The following TMEM87A variants were observed in gnomAD, a reference collection of about 807,000 sequenced individuals.
TMEM87A encodes the protein transmembrane protein 87A.
Under a neutral mutation model 90.0 loss-of-function variants are expected in TMEM87A, and 50 were observed. The ratio of observed to expected loss-of-function variants is 0.56; its 90% CI spans 0.44 to 0.70. The LOEUF is 0.70. Ranked by LOEUF, TMEM87A falls within the 30% of genes least tolerant of loss-of-function variation. TMEM87A has a pLI of 0.00. For synonymous variants in TMEM87A, 226 were observed against 226.7 expected (o/e 1.00, Z 0.03); for missense variants, 577 against 660.5 (o/e 0.87, Z 1.39).
In TMEM87A at chr15:42,219,621, G is replaced by A. The variant is rs936807468; in HGVS notation, c.1499C>T (p.Thr500Ile). 6 of 1,599,012 alleles carry A rather than the reference G, an allele frequency of 3.8e-6. No individual in the cohort carries two copies. The highest frequency in any genetic ancestry group is 3.4e-5 in the Admixed American group (2 of 58,176). ...ESFEGMKMRS[T>I]KQEPNGNSKV... Reference sequence around the variant, plus strand: ...ACTATTTCCATTGGGTTCTTGTTTGGTACTTCTCATTTTCATTCCTTCTGT... The same window carrying A: ...ACTATTTCCATTGGGTTCTTGTTTGATACTTCTCATTTTCATTCCTTCTGT... The change falls in exon 17 of 20, where the codon ACC becomes ATC. Residue 500 changes from threonine (T) to isoleucine (I), a missense_variant. By Grantham distance (89) the Thr-to-Ile change is moderately conservative. Coordinates refer to ENST00000389834, the MANE Select transcript of TMEM87A (RefSeq NM_015497.5).
intron 15 of TMEM87A, among the ~76,000 whole-genome samples, chr15:42,223,173 G>A (rs1340146693): frequency 2.0e-5 from 3 of 152,102 alleles, no homozygotes; most frequent in South Asian, 2.1e-4. Flanking sequence ...CAGGCAGATC[G>A]CTTGAGCTCA....
At chr15:42,273,209 A>G in intron 1 of TMEM87A, 46 bp downstream of exon 1, 2 of 1,608,586 alleles carry the variant, frequency 1.2e-6, no homozygotes, top group South Asian at 1.1e-5. Flanking sequence ...CCGTAGCCCC[A>G]CCCCTTGCTC....
chr15:42,258,894 A>G, intron 6 of TMEM87A: 2 of 1,437,974 alleles, frequency 1.4e-6, no homozygotes, highest in Non-Finnish European at 1.9e-6. Context: ...CAACGAAAAC[A>G]CTGGCAAAAA....
chr15:42,249,208 T>C (rs958230988), intron 6 of TMEM87A, among the ~76,000 whole-genome samples: 2 of 151,934 alleles, frequency 1.3e-5, no homozygotes, highest in African/African-American at 4.8e-5. Flanking sequence ...GAGGTCTATT[T>C]GGTTGATCTT....
intron 7 of TMEM87A, among the ~76,000 whole-genome samples, chr15:42,243,613 G>C (rs776064804): frequency 1.2e-4 from 18 of 147,664 alleles, no homozygotes; most frequent in Non-Finnish European, 2.4e-4. Flanking sequence ...TCCATCTCCC[G>C]GGTTCAAGCG....
At chr15:42,211,808 T>C (rs903931669) in intron 19 of TMEM87A, 59 bp from the exon 20 acceptor site, 8 of 1,465,572 alleles carry the variant, frequency 5.5e-6, no homozygotes, top group Non-Finnish European at 7.6e-6. Context: ...ATTCCAAATA[T>C]CTTCTATACA....
At chr15:42,260,901 C>G in intron 6 of TMEM87A, 57 bp downstream of exon 6, 1 of 1,555,368 alleles carries the variant, frequency 6.4e-7, no homozygotes, top group Non-Finnish European at 8.7e-7. Context: ...CAGAAATACA[C>G]AAATTTAAGA....
chr15:42,269,601 T>G (rs1352064784), intron 2 of TMEM87A, among the ~76,000 whole-genome samples: 1 of 152,192 alleles, frequency 6.6e-6, no homozygotes, highest in Non-Finnish European at 1.5e-5. Context: ...TACTGCTGTT[T>G]ATGTTACAAG....
intron 15 of TMEM87A, among the ~76,000 whole-genome samples, chr15:42,225,437 CCTTT>C (rs1473479210): frequency 6.6e-6 from 1 of 152,094 alleles, no homozygotes; most frequent in Non-Finnish European, 1.5e-5. Context: ...TTAATTTTAC[CCTTT>C]CTATCATTAC....
Position 42,236,328 on chromosome 15 carries a change from G to A in TMEM87A, c.960C>T (p.Gly320=), listed in dbSNP as rs2140940615. 6.2e-7 allele frequency: 1 copy of A among 1,613,744 alleles called. No individual in the cohort carries two copies. The highest frequency in any genetic ancestry group is 8.5e-7 in the Non-Finnish European group (1 of 1,179,714). Residue 320 remains glycine (G), a synonymous_variant, in exon 10 of 20, where the codon GGC becomes GGT. Coordinates refer to ENST00000389834, the MANE Select transcript of TMEM87A (RefSeq NM_015497.5). ...TLVIIVSLGY[G]IVKPRLGVTL... ...AGGAAGTTAATACTTACTTGACGAT[G>A]CCATATCCCAGACTGACTATGATGA...
At chr15:42,248,764 G>A (rs151072538) in intron 6 of TMEM87A, among the ~76,000 whole-genome samples, 1,648 of 152,166 alleles carry the variant, frequency 0.011, 29 homozygotes, top group African/African-American at 0.038. Flanking sequence ...TTGTGTCTCC[G>A]CCAGGCTTTG....
Position 42,227,871 on chromosome 15 carries a change from C to T in TMEM87A, c.1241-102G>A, listed in dbSNP as rs531746722. The stretch of plus-strand genomic sequence containing the variant: ...AAGTGGAATCCCACACACCCCGAAC[C>T]CCCAAATACATCACAACTCTATCAG... On this transcript the variant is annotated intron_variant, in intron 13 of 19. Coordinates refer to ENST00000389834, the MANE Select transcript of TMEM87A (RefSeq NM_015497.5). 7.4e-4 allele frequency: 693 copies of T among 931,716 alleles called. 3 individuals are homozygous for T. Among genetic ancestry groups the T allele is most frequent in the Non-Finnish European group, 1.1e-3 (647 of 578,106 alleles). 57.7% of individuals were successfully genotyped at this position (931,716 alleles called of 1,614,324 possible). A position where few individuals can be genotyped will look rare whatever the true frequency, so the allele number is the denominator to read the frequency against.
At chr15:42,242,997 C>T (rs374436376) in intron 7 of TMEM87A, among the ~76,000 whole-genome samples, 1 of 151,982 alleles carries the variant, frequency 6.6e-6, no homozygotes. Flanking sequence ...CCAGGCACGG[C>T]GGCTCACCCC....
chr15:42,214,464 T>G (rs1239275876), intron 19 of TMEM87A, among the ~76,000 whole-genome samples: 1 of 152,106 alleles, frequency 6.6e-6, no homozygotes, highest in Non-Finnish European at 1.5e-5. Flanking sequence ...TAACGGCACG[T>G]TGAAAGAATC....
Position 42,273,421 on chromosome 15 carries a change from C to T in TMEM87A, c.-23G>A, listed in dbSNP as rs376292282. On this transcript the variant is annotated 5_prime_UTR_variant, in exon 1 of 20. Transcript: ENST00000389834. The stretch of plus-strand genomic sequence containing the variant: ...CATCTTCACAGCCGTGGAGTGCCTA[C>T]CGAAAGCATTTCACCCTCTTCCGGT... 1.8e-4 allele frequency: 292 copies of T among 1,613,258 alleles called. No homozygotes were observed. In the African/African-American group the frequency reaches 3.3e-3, roughly 18 times the overall value.
intron 15 of TMEM87A, among the ~76,000 whole-genome samples, chr15:42,225,304 G>C (rs111251298): frequency 1.4e-4 from 22 of 151,822 alleles, no homozygotes; most frequent in East Asian, 3.9e-4. Context: ...TGCAAATGGG[G>C]GGGGGGGGAA....
intron 15 of TMEM87A, among the ~76,000 whole-genome samples, chr15:42,225,271 A>C (rs1456479705): frequency 6.7e-6 from 1 of 149,454 alleles, no homozygotes; most frequent in Non-Finnish European, 1.5e-5. Flanking sequence ...TGGGTGTTTA[A>C]TATAAGCTCT....
chr15:42,257,409 A>C (rs2051204556), intron 6 of TMEM87A, among the ~76,000 whole-genome samples: 1 of 151,918 alleles, frequency 6.6e-6, no homozygotes, highest in Admixed American at 6.6e-5. Context: ...TTCACCTTCC[A>C]CCATGAGTAG....
At chr15:42,243,434 ACT>A (rs1393722130) in intron 7 of TMEM87A, among the ~76,000 whole-genome samples, 2 of 151,230 alleles carry the variant, frequency 1.3e-5, no homozygotes, top group East Asian at 1.9e-4. Context: ...AAAGATGATG[ACT>A]CTATGAACTA....
Sources: gnomAD v4.1 joint callset for allele counts (sites outside exome capture counted in the v4.1 genomes callset) on GRCh38, gnomAD v4.1.1 for gene constraint, MANE v1.5 for transcripts, NCBI Gene and HGNC (gene_info 2026-07-23, HGNC 2026-07-21) for gene names.